The following ACYP2 variants were observed in gnomAD, a reference collection of about 807,000 sequenced individuals.
ACYP2 encodes acylphosphatase-2.
Under a neutral mutation model 11.2 loss-of-function variants are expected in ACYP2, and 12 were observed. The observed-to-expected ratio is 1.08, with a 90% CI of 0.69 to 1.74. The LOEUF (loss-of-function observed/expected upper bound fraction) is 1.74. Among genes scored for constraint, ACYP2 ranks in the 40% most tolerant of loss-of-function variants. The probability of loss-of-function intolerance (pLI) is 0.00; values close to 1 mark genes in which losing one functional copy is unlikely to be tolerated. For missense variants in ACYP2, 134 were observed against 101.9 expected, an observed-to-expected ratio of 1.31 and a Z score of -1.35; for synonymous variants, 43 against 32.2, an observed-to-expected ratio of 1.33 and a Z score of -1.13.
rs58430648 is a variant in ACYP2 at position 54,058,709 on chromosome 2, A to ATT, written c.277+1367_277+1368dup. Among the ~76,000 whole-genome samples, 537 of 135,242 alleles carry ATT rather than the reference A, an allele frequency of 4.0e-3. 2 individuals carry two copies. Among genetic ancestry groups the ATT allele is most frequent in the Middle Eastern group, 0.015 (4 of 260 alleles). 88.7% of individuals were successfully genotyped at this position (135,242 alleles called of 152,430 possible). A position where few individuals can be genotyped will look rare whatever the true frequency, so the allele number is the denominator to read the frequency against. On this transcript the variant is annotated intron_variant, in intron 4 of 6. Coordinates refer to ENST00000607452, the MANE Select transcript of ACYP2 (RefSeq NM_001320586.2). The stretch of plus-strand genomic sequence containing the variant: ...ACATGAGAGGGGCTTCTGGCTGATA[A>ATT]TTTTTTTTTTTTTTTTTTTGGTCAG...
At chr2:54,214,055 T>C (rs1412276675) in intron 6 of ACYP2, among the ~76,000 whole-genome samples, 1 of 152,154 alleles carries the variant, frequency 6.6e-6, no homozygotes, top group Admixed American at 6.6e-5. Flanking sequence ...CGCCCATGCC[T>C]AGCCATCTTT....
chr2:54,250,958 T>G (rs116791570), intron 6 of ACYP2, among the ~76,000 whole-genome samples: 1 of 152,210 alleles, frequency 6.6e-6, no homozygotes, highest in Non-Finnish European at 1.5e-5. Context: ...CTTTGAAATA[T>G]AGAGCATCTT....
At chr2:54,285,699 T>A (rs145573046) in intron 6 of ACYP2, among the ~76,000 whole-genome samples, 62 of 152,340 alleles carry the variant, frequency 4.1e-4, no homozygotes, top group African/African-American at 1.5e-3. Context: ...CTTTTGTAGC[T>A]GAGTTCTGGC....
At chr2:54,265,825 T>C (rs1687992869) in intron 6 of ACYP2, among the ~76,000 whole-genome samples, 1 of 152,224 alleles carries the variant, frequency 6.6e-6, no homozygotes, top group Admixed American at 6.5e-5. Context: ...CCTCCCAGAA[T>C]TGTTGTGAAG....
intron 3 of ACYP2, among the ~76,000 whole-genome samples, chr2:54,052,469 T>C (rs1164128918): frequency 6.6e-6 from 1 of 152,176 alleles, no homozygotes; most frequent in Non-Finnish European, 1.5e-5. Flanking sequence ...ACAAATTATA[T>C]ATAAGTTATA....
At chr2:54,023,726 A>T (rs914611015) in intron 2 of ACYP2, among the ~76,000 whole-genome samples, 1 of 152,216 alleles carries the variant, frequency 6.6e-6, no homozygotes, top group South Asian at 2.1e-4. Flanking sequence ...GGAAACATAC[A>T]ATCCTGCTAG....
At chr2:54,079,572 T>C (rs1263251199) in intron 4 of ACYP2, among the ~76,000 whole-genome samples, 1 of 152,146 alleles carries the variant, frequency 6.6e-6, no homozygotes, top group Non-Finnish European at 1.5e-5. Context: ...AAAGGCAGCA[T>C]TAGGGTGATG....
intron 4 of ACYP2, among the ~76,000 whole-genome samples, chr2:54,073,738 C>G (rs1677183829): frequency 6.6e-6 from 1 of 152,066 alleles, no homozygotes; most frequent in African/African-American, 2.4e-5. Flanking sequence ...AAGATTTCTT[C>G]AAAGAAGATT....
chr2:54,189,312 AT>A (rs1275423436), intron 6 of ACYP2, among the ~76,000 whole-genome samples: 3 of 152,064 alleles, frequency 2.0e-5, no homozygotes, highest in African/African-American at 4.8e-5. Flanking sequence ...TCTGATCTAC[AT>A]TTCCCTGTTT....
At chr2:54,110,140 A>T (rs898708410) in intron 4 of ACYP2, among the ~76,000 whole-genome samples, 1 of 152,202 alleles carries the variant, frequency 6.6e-6, no homozygotes, top group African/African-American at 2.4e-5. Context: ...TCACGTAAGC[A>T]TTTTAAACAC....
chr2:54,210,141 CAAAAAAAAAAAAAA>C (rs57860939), intron 6 of ACYP2, among the ~76,000 whole-genome samples: 1 of 71,002 alleles, frequency 1.4e-5, no homozygotes, highest in Non-Finnish European at 3.0e-5. Flanking sequence ...GACTGTGTCT[CAAAAAAAAAAAAAA>C]AAAAAAAAAA....
intron 4 of ACYP2, among the ~76,000 whole-genome samples, chr2:54,069,408 A>T (rs934268888): frequency 4.0e-5 from 6 of 151,730 alleles, no homozygotes; most frequent in African/African-American, 1.2e-4. Flanking sequence ...CATGCCTGTA[A>T]TCCCAGCACT....
intron 6 of ACYP2, among the ~76,000 whole-genome samples, chr2:54,189,498 C>CT (rs1034737387): frequency 9.2e-5 from 14 of 152,260 alleles, no homozygotes; most frequent in Admixed American, 2.0e-4. Flanking sequence ...AGGACCTCCT[C>CT]TTTTTTAAAG....
At chr2:54,153,478 TGTGTGTGTGG>T (rs1682285992) in intron 6 of ACYP2, among the ~76,000 whole-genome samples, 1 of 145,160 alleles carries the variant, frequency 6.9e-6, no homozygotes, top group African/African-American at 2.7e-5. Flanking sequence ...TTTTTTTTCA[TGTGTGTGTGG>T]TTCTATATAA....
chr2:54,060,058 G>A (rs78828500), intron 4 of ACYP2, among the ~76,000 whole-genome samples: 3,113 of 152,236 alleles, frequency 0.02, 92 homozygotes, highest in African/African-American at 0.066. Flanking sequence ...ATTGGGCTGA[G>A]CACTTAATGG....
intron 6 of ACYP2, among the ~76,000 whole-genome samples, chr2:54,224,088 A>G (rs17045690): frequency 0.051 from 7,789 of 152,218 alleles, 594 homozygotes; most frequent in East Asian, 0.29. Context: ...TATTACTAAG[A>G]TTGCATAAAG....
intron 2 of ACYP2, among the ~76,000 whole-genome samples, chr2:54,026,260 G>A (rs999381869): frequency 2.4e-4 from 36 of 152,112 alleles, no homozygotes; most frequent in African/African-American, 8.2e-4. Context: ...GTGGGCTAAG[G>A]ACATGAATAG....
chr2:54,267,830 AAGGTTCAG>A (rs1376549586), intron 6 of ACYP2, among the ~76,000 whole-genome samples: 2 of 152,150 alleles, frequency 1.3e-5, no homozygotes, highest in East Asian at 3.9e-4. Flanking sequence ...AGCTGGGAAA[AAGGTTCAG>A]AGCTATCTTC....
chr2:54,195,676 A>T (rs945412668), intron 6 of ACYP2, among the ~76,000 whole-genome samples: 7 of 151,486 alleles, frequency 4.6e-5, no homozygotes, highest in Non-Finnish European at 1.0e-4. Context: ...AACTGGGTCA[A>T]TTGTCTTTAA....
Sources: gnomAD v4.1 joint callset for allele counts (sites outside exome capture counted in the v4.1 genomes callset) on GRCh38, gnomAD v4.1.1 for gene constraint, MANE v1.5 for transcripts, NCBI Gene and HGNC (gene_info 2026-07-23, HGNC 2026-07-21) for gene names.